Variants in DAB1 observed in about 807,000 individuals in gnomAD.
The protein encoded by DAB1 is disabled homolog 1.
A neutral mutation model predicts 64.6 loss-of-function variants in DAB1; 15 were observed. The ratio of observed to expected loss-of-function variants is 0.23; its 90% CI spans 0.16 to 0.36. The LOEUF is 0.36. Ranked by LOEUF, DAB1 falls within the 10% of genes least tolerant of loss-of-function variation. The pLI, the probability that DAB1 is intolerant of heterozygous loss-of-function variation, is 1.00. For missense variants in DAB1, 596 were observed against 706.7 expected, an observed-to-expected ratio of 0.84 and a Z score of 1.78; for synonymous variants, 235 against 251.9, an observed-to-expected ratio of 0.93 and a Z score of 0.64.
chr1:58,172,531 G>C (rs569241162), intron 4 of DAB1, among the ~76,000 whole-genome samples: 41 of 152,344 alleles, frequency 2.7e-4, no homozygotes, highest in Middle Eastern at 3.4e-3. Flanking sequence ...AAATACGTAT[G>C]TGTGTAGCCC....
rs746742214 is a variant in DAB1, at chr1:58,011,021, G to GT, written n.388-126860dup. ...TTTTTACTCCATTTTTACCAAAGAG[G>GT]TAACTGTGGCTCATTGAGATCCTAC... On this transcript the variant is annotated intron_variant and non_coding_transcript_variant, in intron 5 of 20. Transcript: ENST00000485760. 2.0e-5 allele frequency among the ~76,000 whole-genome samples: 3 copies of GT among 152,288 alleles called. No individual in the cohort carries two copies. The East Asian group carries it at 5.8e-4, about 29-fold the overall frequency.
chr1:58,429,262 C>T (rs192566414), intron 3 of DAB1, among the ~76,000 whole-genome samples: 44 of 152,104 alleles, frequency 2.9e-4, no homozygotes, highest in East Asian at 1.2e-3. Context: ...TTAAATGGTA[C>T]GTGGTGGGGT....
chr1:58,256,602 G>T (rs1414493521), intron 4 of DAB1, among the ~76,000 whole-genome samples: 2 of 152,180 alleles, frequency 1.3e-5, no homozygotes, highest in Non-Finnish European at 2.9e-5. Flanking sequence ...GTGTGCATTA[G>T]CTCATTGAAT....
At position 57,096,361 on chromosome 1, in the gene DAB1, C is replaced by T. The variant is rs188695176; in HGVS notation, c.307-23947G>A. ...CTGAAATGCCTAAAATAAAAACTCA[C>T]GAGTCCAATAATAGATATCTCCACC... is the stretch of plus-strand genomic sequence containing the variant. On this transcript the variant is annotated intron_variant, in intron 4 of 14. Coordinates refer to ENST00000371236, the MANE Select transcript of DAB1 (RefSeq NM_001365792.1). Among the ~76,000 whole-genome samples the T allele has an allele frequency of 4.9e-4, 74 of 152,260 alleles. No homozygotes were observed. The Middle Eastern group carries it at 0.014, about 28-fold the overall frequency.
At chr1:57,985,987 A>G (rs1222109398) in intron 5 of DAB1, among the ~76,000 whole-genome samples, 1 of 152,226 alleles carries the variant, frequency 6.6e-6, no homozygotes, top group African/African-American at 2.4e-5. Context: ...TAGATGAAGC[A>G]GCTGAAGCTC....
At chr1:57,569,014 T>C (rs1645159247) in intron 7 of DAB1, among the ~76,000 whole-genome samples, 1 of 151,496 alleles carries the variant, frequency 6.6e-6, no homozygotes, top group South Asian at 2.1e-4. Context: ...ATCCCAGCAC[T>C]TTGGGAGGCC....
chr1:57,271,734 G>A (rs1671016614), intron 2 of DAB1, among the ~76,000 whole-genome samples: 1 of 152,190 alleles, frequency 6.6e-6, no homozygotes, highest in African/African-American at 2.4e-5. Flanking sequence ...GCTTCCTGGA[G>A]GAAGTGCCAT....
rs182463319 is a variant in DAB1 at position 58,243,510 on chromosome 1, G to C, written n.310-92922C>G. Among the ~76,000 whole-genome samples, 38 of 152,076 alleles carry C rather than the reference G, an allele frequency of 2.5e-4. 1 individual carries two copies. In the East Asian group the frequency reaches 6.6e-3, roughly 26 times the overall value. ...CTCTTGTCCTCTGCAATATGGCTGG[G>C]GTTTTTTTTTAGTCCCAAGTGAAGA... is the stretch of plus-strand genomic sequence containing the variant. On this transcript the variant is annotated intron_variant and non_coding_transcript_variant, in intron 4 of 20. Transcript: ENST00000485760.
chr1:58,114,890 A>AG (rs1652227184), intron 5 of DAB1, among the ~76,000 whole-genome samples: 1 of 152,324 alleles, frequency 6.6e-6, no homozygotes, highest in East Asian at 1.9e-4. Context: ...TGCCCCGCCC[A>AG]TCATTTGTTA....
At chr1:57,757,387 T>G (rs1648866746) in intron 6 of DAB1, among the ~76,000 whole-genome samples, 1 of 151,898 alleles carries the variant, frequency 6.6e-6, no homozygotes, top group South Asian at 2.1e-4. Flanking sequence ...GTTGCTGTCT[T>G]ATAGTTTGGG....
intron 7 of DAB1, among the ~76,000 whole-genome samples, chr1:57,639,967 T>C (rs961652249): frequency 5.9e-5 from 9 of 152,206 alleles, no homozygotes; most frequent in African/African-American, 2.2e-4. Flanking sequence ...TAGTCAGGCT[T>C]TAGAGGCATG....
intron 1 of DAB1, among the ~76,000 whole-genome samples, chr1:57,328,562 C>T (rs1349554784): frequency 3.3e-5 from 5 of 152,182 alleles, no homozygotes; most frequent in African/African-American, 1.2e-4. Context: ...GTGTCCATGT[C>T]ATTGCCTTGG....
intron 4 of DAB1, among the ~76,000 whole-genome samples, chr1:58,221,732 G>T (rs1274767108): frequency 6.6e-6 from 1 of 152,194 alleles, no homozygotes; most frequent in African/African-American, 2.4e-5. Flanking sequence ...TGCCCCTGGG[G>T]AGCTATGCAA....
At chr1:58,436,812 T>C (rs1644950408) in intron 3 of DAB1, among the ~76,000 whole-genome samples, 1 of 152,240 alleles carries the variant, frequency 6.6e-6, no homozygotes, top group Non-Finnish European at 1.5e-5. Context: ...GTGTCAGCGA[T>C]GTTTGCACTT....
At chr1:58,338,797 T>C (rs1465231891) in intron 4 of DAB1, among the ~76,000 whole-genome samples, 1 of 152,194 alleles carries the variant, frequency 6.6e-6, no homozygotes, top group Non-Finnish European at 1.5e-5. Flanking sequence ...AAATGTGGTA[T>C]ATCCATACAA....
rs377506950 is a variant in DAB1, at chr1:58,117,732, C to T, written n.387+32779G>A. Among the ~76,000 whole-genome samples, 42 of 151,728 alleles carry T rather than the reference C, an allele frequency of 2.8e-4. No individual in the cohort carries two copies. The East Asian group carries it at 3.5e-3, about 13-fold the overall frequency. ...GATTTTTAAAAATTAAGATTAGAAA[C>T]GGGAAAATGAAACAAGTAAAAGATA... On this transcript the variant is annotated intron_variant and non_coding_transcript_variant, in intron 5 of 20. Coordinates refer to the DAB1 transcript ENST00000485760.
intron 1 of DAB1, among the ~76,000 whole-genome samples, chr1:57,378,632 A>C (rs1322638474): frequency 6.6e-6 from 1 of 152,184 alleles, no homozygotes; most frequent in Non-Finnish European, 1.5e-5. Context: ...AGAAGGATGG[A>C]GCAACCAATT....
At chr1:56,998,842 G>A (rs572480726) in intron 14 of DAB1, among the ~76,000 whole-genome samples, 4 of 152,312 alleles carry the variant, frequency 2.6e-5, no homozygotes, top group South Asian at 4.1e-4. Context: ...AGCATGTAAT[G>A]CAGCAAACCT....
At chr1:57,298,725 G>T (rs1450857139) in intron 1 of DAB1, among the ~76,000 whole-genome samples, 1 of 152,108 alleles carries the variant, frequency 6.6e-6, no homozygotes, top group Non-Finnish European at 1.5e-5. Flanking sequence ...AAACAAGAAA[G>T]TTGGAGCAAA....
Sources: gnomAD v4.1 joint callset for allele counts (sites outside exome capture counted in the v4.1 genomes callset) on GRCh38, gnomAD v4.1.1 for gene constraint, MANE v1.5 for transcripts, NCBI Gene and HGNC (gene_info 2026-07-23, HGNC 2026-07-21) for gene names.